UNC13C: variants seen among roughly 807,000 people sequenced by gnomAD.
UNC13C encodes the protein protein unc-13 homolog C.
UNC13C carries 174 observed loss-of-function variants against 245.4 expected under a neutral mutation model. That is an observed-to-expected ratio of 0.71 (90% CI 0.63 to 0.80). UNC13C has a LOEUF of 0.80. Ranked by LOEUF, UNC13C falls within the 30% of genes least tolerant of loss-of-function variation. The probability of loss-of-function intolerance (pLI) is 0.00; values close to 1 mark genes in which losing one functional copy is unlikely to be tolerated. For synonymous variants in UNC13C, 992 were observed against 895.1 expected (o/e 1.11, Z -1.93); for missense variants, 2,829 against 2,602.9 (o/e 1.09, Z -1.89).
intron 17 of UNC13C, among the ~76,000 whole-genome samples, chr15:54,338,994 G>A (rs999070484): frequency 4.6e-5 from 7 of 152,176 alleles, no homozygotes; most frequent in Non-Finnish European, 1.0e-4. Flanking sequence ...AGGCTCCCCA[G>A]TAGCTGGGAT....
chr15:54,496,359 A>T (rs372831060), intron 20 of UNC13C, among the ~76,000 whole-genome samples: 3 of 152,074 alleles, frequency 2.0e-5, no homozygotes, highest in South Asian at 2.1e-4. Flanking sequence ...AACTAAAGAC[A>T]TATGGGGTTA....
At chr15:53,855,648 C>T in the UNC13C span, among the ~76,000 whole-genome samples, 1 of 151,798 alleles carries the variant, frequency 6.6e-6, no homozygotes, top group South Asian at 2.1e-4. Flanking sequence ...AATGAATGAT[C>T]GTGGTGCATA....
the UNC13C span, among the ~76,000 whole-genome samples, chr15:53,970,777 C>T: frequency 2.0e-5 from 3 of 152,192 alleles, no homozygotes; most frequent in East Asian, 3.9e-4. Flanking sequence ...ACCACCATGG[C>T]ACATGTTGAC....
At chr15:54,499,391 G>A (rs192343147) in intron 20 of UNC13C, among the ~76,000 whole-genome samples, 43 of 152,206 alleles carry the variant, frequency 2.8e-4, no homozygotes, top group Admixed American at 2.6e-3. Context: ...TTTGACATGA[G>A]TTTTGGTGGG....
the UNC13C span, chr15:53,911,936 A>T: frequency 1.3e-5 from 2 of 152,388 alleles, no homozygotes; most frequent in Admixed American, 1.3e-4. Context: ...CCGCATACAC[A>T]AAGTGACTAT....
chr15:54,553,964 A>G lies in UNC13C; in HGVS notation c.5878-1468A>G, dbSNP rs1896985690. Among the ~76,000 whole-genome samples the G allele has an allele frequency of 2.6e-5, 4 of 152,084 alleles. No homozygotes were observed. In the South Asian group the frequency reaches 8.3e-4, roughly 32 times the overall value. On this transcript the variant is annotated intron_variant, in intron 28 of 32. Coordinates refer to ENST00000260323, the MANE Select transcript of UNC13C (RefSeq NM_001080534.3). Reference sequence around the variant, plus strand: ...GTCTCAATGGGTATATAATATTGCTATTTAAAAACTGTGAAATGAACTCAT... The same window carrying G: ...GTCTCAATGGGTATATAATATTGCTGTTTAAAAACTGTGAAATGAACTCAT...
At chr15:54,380,452 T>C (rs2140898295) in intron 17 of UNC13C, among the ~76,000 whole-genome samples, 1 of 152,300 alleles carries the variant, frequency 6.6e-6, no homozygotes, top group African/African-American at 2.4e-5. Flanking sequence ...CACTATCTCT[T>C]TGACATACTG....
In UNC13C at chr15:54,404,571, A is replaced by C. The variant is rs189327561; in HGVS notation, c.4848-10411A>C. 5.9e-5 allele frequency among the ~76,000 whole-genome samples: 9 copies of C among 152,248 alleles called. No individual in the cohort carries two copies. In the East Asian group the frequency reaches 1.7e-3, roughly 29 times the overall value. On this transcript the variant is annotated intron_variant, in intron 18 of 32. Transcript: ENST00000260323. ...TGCATTGAAAATGAAGAAGAGGTAG[A>C]GCTCTACCTTAGAGAATTTAATTTG... is the stretch of plus-strand genomic sequence containing the variant.
At chr15:54,284,479 T>C (rs2037088818) in intron 10 of UNC13C, among the ~76,000 whole-genome samples, 1 of 152,208 alleles carries the variant, frequency 6.6e-6, no homozygotes, top group African/African-American at 2.4e-5. Flanking sequence ...ATGTGGGTTT[T>C]GAAAGACAGG....
At chr15:53,866,486 T>A in the UNC13C span, among the ~76,000 whole-genome samples, 5 of 152,164 alleles carry the variant, frequency 3.3e-5, no homozygotes, top group African/African-American at 1.2e-4. Context: ...CAACTATACA[T>A]TTATACCAAT....
chr15:54,506,826 C>T (rs1464665341), intron 22 of UNC13C, among the ~76,000 whole-genome samples: 1 of 152,080 alleles, frequency 6.6e-6, no homozygotes, highest in Non-Finnish European at 1.5e-5. Context: ...ATCATATCTA[C>T]ATTTGGCTTA....
chr15:54,143,974 T>C (rs1483392782), intron 4 of UNC13C, among the ~76,000 whole-genome samples: 1 of 152,178 alleles, frequency 6.6e-6, no homozygotes, highest in Non-Finnish European at 1.5e-5. Flanking sequence ...AATCACAAAA[T>C]TTTATACAAA....
At chr15:54,222,943 G>T (rs1027041703) in intron 4 of UNC13C, among the ~76,000 whole-genome samples, 4 of 151,872 alleles carry the variant, frequency 2.6e-5, no homozygotes, top group South Asian at 2.1e-4. Flanking sequence ...CAGATTATTA[G>T]ATTTTTTTCT....
chr15:53,874,033 G>A, the UNC13C span, among the ~76,000 whole-genome samples: 1 of 150,728 alleles, frequency 6.6e-6, no homozygotes, highest in Non-Finnish European at 1.5e-5. Flanking sequence ...CTGGAGTGCA[G>A]TGATATAATC....
chr15:53,865,448 T>A, the UNC13C span, among the ~76,000 whole-genome samples: 1 of 152,194 alleles, frequency 6.6e-6, no homozygotes, highest in African/African-American at 2.4e-5. Flanking sequence ...ACTTGACCTT[T>A]TTTGTGTGCA....
chr15:54,117,545 C>G (rs2030346178), intron 2 of UNC13C, among the ~76,000 whole-genome samples: 1 of 148,564 alleles, frequency 6.7e-6, no homozygotes, highest in African/African-American at 2.5e-5. Context: ...CTCTCTCTCT[C>G]TCTCTCTCTC....
chr15:54,594,542 G>A (rs1596638002), intron 30 of UNC13C, among the ~76,000 whole-genome samples: 1 of 152,192 alleles, frequency 6.6e-6, no homozygotes, highest in African/African-American at 2.4e-5. Flanking sequence ...CCAGGTCACT[G>A]AAGTTGTATA....
At chr15:54,572,039 T>C (rs1897777657) in intron 30 of UNC13C, among the ~76,000 whole-genome samples, 1 of 152,200 alleles carries the variant, frequency 6.6e-6, no homozygotes, top group South Asian at 2.1e-4. Context: ...TCCCAGTGTT[T>C]CCTGGGATCC....
intron 23 of UNC13C, among the ~76,000 whole-genome samples, chr15:54,507,614 C>T (rs1169128239): frequency 6.6e-6 from 1 of 151,984 alleles, no homozygotes; most frequent in African/African-American, 2.4e-5. Context: ...ATATATGGAA[C>T]AATGCTGATT....
Sources: gnomAD v4.1 joint callset for allele counts (sites outside exome capture counted in the v4.1 genomes callset) on GRCh38, gnomAD v4.1.1 for gene constraint, MANE v1.5 for transcripts, NCBI Gene and HGNC (gene_info 2026-07-23, HGNC 2026-07-21) for gene names.